Variants in TNRC6A observed in about 807,000 individuals in gnomAD.
TNRC6A encodes the protein trinucleotide repeat-containing gene 6A protein.
In TNRC6A, 44 loss-of-function variants were observed where a neutral mutation model predicts 221.2. The ratio of observed to expected loss-of-function variants is 0.20; its 90% confidence interval spans 0.16 to 0.26. The LOEUF is 0.26. Among genes scored for constraint, TNRC6A ranks in the 10% least tolerant of loss-of-function variants. TNRC6A has a pLI of 1.00. For missense variants in TNRC6A, 2,199 were observed against 2,404.4 expected (o/e 0.91, Z 1.79); for synonymous variants, 847 against 838.5 (o/e 1.01, Z -0.18).
intron 2 of TNRC6A, among the ~76,000 whole-genome samples, chr16:24,648,506 A>AGG (rs1902430310): frequency 6.6e-6 from 1 of 151,930 alleles, no homozygotes; most frequent in East Asian, 1.9e-4. Context: ...TCCTGACCTC[A>AGG]TGATTCACCC....
chr16:24,668,690 G>A (rs2055226729), intron 2 of TNRC6A, among the ~76,000 whole-genome samples: 1 of 152,128 alleles, frequency 6.6e-6, no homozygotes, highest in Non-Finnish European at 1.5e-5. Context: ...TCTGAGAAGA[G>A]GTAATTATTC....
chr16:24,789,314 C>G lies in TNRC6A; in HGVS notation c.672C>G (p.Asn224Lys). ...PVSSTSDSST[N>K]CKNAVVSDLS... ...CTTCTACAAGTGATTCTAGCACAAA[C>G]TGTAAGAATGCTGTTGTAAGTGACT... is the stretch of plus-strand genomic sequence containing the variant. The change falls in exon 6 of 25, where the codon AAC (asparagine) becomes AAG (lysine). Residue 224 changes from asparagine to lysine, a missense_variant. Physicochemically the swap from Asn to Lys is moderately conservative, Grantham distance 94. Transcript: ENST00000395799. 6.2e-7 allele frequency: 1 copy of G among 1,614,184 alleles called. No homozygotes were observed. The highest frequency in any genetic ancestry group is 1.3e-5 in the African/African-American group (1 of 75,054).
At chr16:24,798,772 T>C (rs1470239310) in intron 11 of TNRC6A, among the ~76,000 whole-genome samples, 1 of 152,190 alleles carries the variant, frequency 6.6e-6, no homozygotes, top group Non-Finnish European at 1.5e-5. Context: ...GTTTAGTAGA[T>C]GGTATTGTGT....
chr16:24,791,488 A>G lies in TNRC6A; in HGVS notation c.2846A>G (p.Gln949Arg), dbSNP rs763572488. ...GTCAGCTCTCCAGACTGGAACAAGC[A>G]ACAAGACATTGTTGGATCTTGGGGA... Reference protein sequence around the residue: ...KPVSSPDWNKQQDIVGSWGIP... With the variant: ...KPVSSPDWNKRQDIVGSWGIP... The change falls in exon 6 of 25, where the codon CAA (glutamine) becomes CGA (arginine). Residue 949 changes from glutamine to arginine, a missense_variant. Gln to Arg is a conservative substitution (Grantham distance 43). This residue lies in a region of TNRC6A where 1,405 missense variants were observed against 1,400.2 expected (regional missense o/e 1.00). Coordinates refer to ENST00000395799, the MANE Select transcript of TNRC6A (RefSeq NM_014494.4). 6.5e-7 allele frequency: 1 copy of G among 1,532,434 alleles called. No individual in the cohort carries two copies. Among genetic ancestry groups the G allele is most frequent in the Non-Finnish European group, 8.7e-7 (1 of 1,143,720 alleles). 94.9% of individuals were successfully genotyped at this position (1,532,434 alleles called of 1,614,324 possible). A position where few individuals can be genotyped will look rare whatever the true frequency, so the allele number is the denominator to read the frequency against.
chr16:24,694,438 G>C (rs1306894829), intron 2 of TNRC6A, among the ~76,000 whole-genome samples: 1 of 151,700 alleles, frequency 6.6e-6, no homozygotes, highest in African/African-American at 2.4e-5. Flanking sequence ...GGTGGATCAC[G>C]AGGCCAGGAG....
chr16:24,640,499 G>A (rs1376617860), intron 1 of TNRC6A, among the ~76,000 whole-genome samples: 5 of 151,906 alleles, frequency 3.3e-5, no homozygotes, highest in Non-Finnish European at 5.9e-5. Flanking sequence ...AAGCTGAGGC[G>A]GGTGGATTGC....
intron 1 of TNRC6A, among the ~76,000 whole-genome samples, chr16:24,626,798 C>T (rs995100064): frequency 2.0e-5 from 3 of 151,548 alleles, no homozygotes; most frequent in South Asian, 2.1e-4. Context: ...TACAGGCACC[C>T]ACCACCACGC....
chr16:24,757,524 T>C lies in TNRC6A; in HGVS notation c.142-815T>C, dbSNP rs73548985. Among the ~76,000 whole-genome samples the C allele has an allele frequency of 7.2e-3, 1,100 of 152,302 alleles. 10 individuals are homozygous for C. The highest frequency in any genetic ancestry group is 0.025 in the African/African-American group (1,019 of 41,562). On this transcript the variant is annotated intron_variant, in intron 3 of 24. Transcript: ENST00000395799. ...TGTTATTTTCAGGATTCCCATAATA[T>C]TGATCTTGATCAACAGATTGATGTT... is the stretch of plus-strand genomic sequence containing the variant.
intron 5 of TNRC6A, among the ~76,000 whole-genome samples, chr16:24,782,420 C>T (rs2343606): frequency 0.26 from 39,979 of 152,050 alleles, 5,437 homozygotes; most frequent in Middle Eastern, 0.32. Context: ...ATTTACATGT[C>T]GTCTGGGCTG....
At chr16:24,641,770 A>G (rs1479158581) in intron 2 of TNRC6A, among the ~76,000 whole-genome samples, 1 of 152,142 alleles carries the variant, frequency 6.6e-6, no homozygotes, top group East Asian at 1.9e-4. Flanking sequence ...TTTCTTTTTC[A>G]TTCATTCGAT....
chr16:24,613,042 G>A (rs1900136961), intron 1 of TNRC6A, among the ~76,000 whole-genome samples: 1 of 149,372 alleles, frequency 6.7e-6, no homozygotes, highest in African/African-American at 2.5e-5. Context: ...GACCCAGGAA[G>A]GAGGCAGAGT....
At chr16:24,664,697 A>G (rs1307506870) in intron 2 of TNRC6A, 1 of 144,378 alleles carries the variant, frequency 6.9e-6, no homozygotes. Context: ...TCTCCAAATA[A>G]TAAAATAAAA....
intron 5 of TNRC6A, among the ~76,000 whole-genome samples, chr16:24,785,129 G>A (rs576109662): frequency 6.6e-6 from 1 of 152,178 alleles, no homozygotes; most frequent in South Asian, 2.1e-4. Flanking sequence ...CTGTTTCTGG[G>A]TTACTTTTTC....
chr16:24,647,478 A>G (rs544142266), intron 2 of TNRC6A, among the ~76,000 whole-genome samples: 2 of 152,248 alleles, frequency 1.3e-5, no homozygotes, highest in African/African-American at 4.8e-5. Flanking sequence ...GGGTTTTCTC[A>G]TTGTGGTAAA....
At chr16:24,810,376 G>GTATA (rs2058518754) in intron 18 of TNRC6A, among the ~76,000 whole-genome samples, 2 of 152,084 alleles carry the variant, frequency 1.3e-5, no homozygotes, top group African/African-American at 4.8e-5. Context: ...ATGTATGTAT[G>GTATA]TATATACGTA....
At chr16:24,700,422 GAC>G (rs2055948954) in intron 2 of TNRC6A, among the ~76,000 whole-genome samples, 1 of 151,976 alleles carries the variant, frequency 6.6e-6, no homozygotes, top group East Asian at 1.9e-4. Context: ...TTTTAGTAGA[GAC>G]AGGTTTCACC....
rs572135788 is a variant in TNRC6A at position 24,759,275 on chromosome 16, C to T, written c.163+915C>T. Among the ~76,000 whole-genome samples the T allele has an allele frequency of 2.5e-3, 385 of 152,024 alleles. 2 individuals carry two copies. The highest frequency in any genetic ancestry group is 3.4e-3 in the Admixed American group (52 of 15,290). ...TTGAGGCTGAAAAGATAGATAGGGG[C>T]CAGGTCAAAGTGGGTTAATTTATGT... On this transcript the variant is annotated intron_variant, in intron 4 of 24. Coordinates refer to ENST00000395799, the MANE Select transcript of TNRC6A (RefSeq NM_014494.4).
At chr16:24,679,530 G>C (rs974094467) in intron 2 of TNRC6A, among the ~76,000 whole-genome samples, 2 of 151,694 alleles carry the variant, frequency 1.3e-5, no homozygotes, top group South Asian at 2.1e-4. Context: ...AGGCTGGAGT[G>C]CAGTGGTGTG....
chr16:24,632,209 T>TTCTCG (rs922027804), intron 1 of TNRC6A, among the ~76,000 whole-genome samples: 8 of 152,160 alleles, frequency 5.3e-5, no homozygotes, highest in Non-Finnish European at 1.0e-4. Flanking sequence ...GACAACACAC[T>TTCTCG]TCTCGTCTCC....
Sources: gnomAD v4.1 joint callset for allele counts (sites outside exome capture counted in the v4.1 genomes callset) on GRCh38, gnomAD v4.1.1 for gene constraint, gnomAD v4.1.1 regional missense constraint, MANE v1.5 for transcripts, NCBI Gene and HGNC (gene_info 2026-07-23, HGNC 2026-07-21) for gene names.